Variants in UMAD1 observed in about 807,000 individuals in gnomAD.
UMAD1 encodes the protein UBAP1-MVB12-associated (UMA)-domain containing protein 1.
In UMAD1, 8 loss-of-function variants were observed where a neutral mutation model predicts 6.1. That is an observed-to-expected ratio of 1.30 (90% CI 0.76 to 2.35). The LOEUF (loss-of-function observed/expected upper bound fraction) is 2.35, where lower values mean the gene tolerates loss of function less well. Ranked by LOEUF, UMAD1 falls within the 30% of genes most tolerant of loss-of-function variation. UMAD1 has a pLI of 0.00. For synonymous variants in UMAD1, 56 were observed against 31.4 expected, an observed-to-expected ratio of 1.78 and a Z score of -2.61; for missense variants, 130 against 78.4, an observed-to-expected ratio of 1.66 and a Z score of -2.49.
intron 3 of UMAD1, among the ~76,000 whole-genome samples, chr7:7,864,642 C>G (rs933194659): frequency 1.7e-5 from 2 of 120,234 alleles, no homozygotes; most frequent in African/African-American, 6.1e-5. Flanking sequence ...CACACACACA[C>G]ACACACACAG....
chr7:7,664,837 G>A (rs1779397567), intron 1 of UMAD1, among the ~76,000 whole-genome samples: 1 of 152,138 alleles, frequency 6.6e-6, no homozygotes, highest in South Asian at 2.1e-4. Context: ...GTATCTCTGA[G>A]GAGAAATTAG....
intron 2 of UMAD1, among the ~76,000 whole-genome samples, chr7:7,681,048 GTGTT>G (rs1346059279): frequency 1.3e-5 from 2 of 151,984 alleles, no homozygotes; most frequent in East Asian, 1.9e-4. Flanking sequence ...GTTGGTTTGT[GTGTT>G]TGTTGATGTC....
intron 3 of UMAD1, among the ~76,000 whole-genome samples, chr7:7,850,021 G>A (rs779301324): frequency 8.5e-5 from 13 of 152,122 alleles, no homozygotes; most frequent in African/African-American, 1.4e-4. Flanking sequence ...TGATGATGTT[G>A]TAGGGAAAAG....
chr7:7,842,265 GAT>G (rs1199889889), intron 3 of UMAD1, among the ~76,000 whole-genome samples: 1 of 152,084 alleles, frequency 6.6e-6, no homozygotes, highest in Non-Finnish European at 1.5e-5. Flanking sequence ...GCGCAGGGAT[GAT>G]ATTATTAAAA....
chr7:7,701,147 T>C (rs1029884607), intron 2 of UMAD1, among the ~76,000 whole-genome samples: 1 of 152,182 alleles, frequency 6.6e-6, no homozygotes, highest in Non-Finnish European at 1.5e-5. Context: ...TTAATAAACA[T>C]GTTCTGTATT....
chr7:7,685,791 T>C (rs1010428557), intron 2 of UMAD1: 1 of 152,254 alleles, frequency 6.6e-6, no homozygotes, highest in Non-Finnish European at 1.5e-5. Flanking sequence ...TTTAAGTGTT[T>C]TCTTCCTTCA....
At chr7:7,743,423 A>G (rs1469164502) in intron 2 of UMAD1, among the ~76,000 whole-genome samples, 1 of 152,182 alleles carries the variant, frequency 6.6e-6, no homozygotes, top group Non-Finnish European at 1.5e-5. Flanking sequence ...AACTACAGAT[A>G]CAAAATTTAT....
chr7:7,852,540 A>T (rs1783937869), intron 3 of UMAD1, among the ~76,000 whole-genome samples: 1 of 152,154 alleles, frequency 6.6e-6, no homozygotes, highest in African/African-American at 2.4e-5. Flanking sequence ...ACTTTACTAG[A>T]GTGGCTCACA....
chr7:7,776,432 C>T (rs1225527917), intron 2 of UMAD1, among the ~76,000 whole-genome samples: 2 of 152,130 alleles, frequency 1.3e-5, no homozygotes, highest in Non-Finnish European at 2.9e-5. Context: ...CAGGGTTATA[C>T]AGATAGAGAG....
chr7:7,726,844 C>G (rs1364159210), intron 2 of UMAD1, among the ~76,000 whole-genome samples: 4 of 152,168 alleles, frequency 2.6e-5, no homozygotes, highest in Non-Finnish European at 5.9e-5. Flanking sequence ...ACAGTGTTGG[C>G]TGGGGTGATT....
chr7:7,757,380 C>T (rs1008980539), intron 2 of UMAD1, among the ~76,000 whole-genome samples: 1 of 152,162 alleles, frequency 6.6e-6, no homozygotes, highest in Non-Finnish European at 1.5e-5. Context: ...GGAATTGCTT[C>T]TGTTATTATT....
intron 1 of UMAD1, among the ~76,000 whole-genome samples, chr7:7,673,017 G>T (rs1278230929): frequency 2.0e-5 from 3 of 152,156 alleles, no homozygotes; most frequent in Non-Finnish European, 4.4e-5. Flanking sequence ...CCAGATTCTC[G>T]TGTTATCTGT....
intron 2 of UMAD1, among the ~76,000 whole-genome samples, chr7:7,705,321 T>C (rs187575286): frequency 2.2e-4 from 33 of 152,348 alleles, no homozygotes; most frequent in African/African-American, 7.2e-4. Flanking sequence ...AATAGAATCT[T>C]AAAAATGTTT....
At chr7:7,739,465 T>C (rs1781420883) in intron 2 of UMAD1, among the ~76,000 whole-genome samples, 1 of 152,228 alleles carries the variant, frequency 6.6e-6, no homozygotes, top group Non-Finnish European at 1.5e-5. Context: ...AAGTGGTTTT[T>C]TGAAGTAACT....
intron 3 of UMAD1, among the ~76,000 whole-genome samples, chr7:7,833,945 C>G (rs1783512790): frequency 6.6e-6 from 1 of 151,404 alleles, no homozygotes; most frequent in Admixed American, 6.6e-5. Context: ...CGTGGGTAAC[C>G]TATCATGTCA....
chr7:7,713,757 G>T lies in UMAD1; in HGVS notation c.82+40304G>T, dbSNP rs183535274. Among the ~76,000 whole-genome samples the T allele has an allele frequency of 2.0e-3, 300 of 151,930 alleles. 4 individuals are homozygous for T. Among genetic ancestry groups the T allele is most frequent in the African/African-American group, 7.1e-3 (293 of 41,428 alleles). On this transcript the variant is annotated intron_variant, in intron 2 of 3. Transcript: ENST00000682710. ...CCTGTATTTCCCTTTAAATGCTATT[G>T]AGCAGCTTCCAAATTTTAATTTGTA...
chr7:7,684,203 G>T (rs1253075313), intron 2 of UMAD1, among the ~76,000 whole-genome samples: 1 of 151,714 alleles, frequency 6.6e-6, no homozygotes, highest in African/African-American at 2.4e-5. Flanking sequence ...TAGCACAGAT[G>T]CAATTTTTTT....
intron 3 of UMAD1, among the ~76,000 whole-genome samples, chr7:7,842,334 A>G (rs1783697654): frequency 6.6e-6 from 1 of 152,146 alleles, no homozygotes; most frequent in Non-Finnish European, 1.5e-5. Context: ...AATGGTTTTT[A>G]TCATCGTTTA....
intron 3 of UMAD1, among the ~76,000 whole-genome samples, chr7:7,869,793 T>G (rs1784302646): frequency 6.6e-6 from 1 of 152,176 alleles, no homozygotes; most frequent in Non-Finnish European, 1.5e-5. Context: ...CCAGGAAAAA[T>G]GTAGTTGTCT....
Sources: gnomAD v4.1 joint callset for allele counts (sites outside exome capture counted in the v4.1 genomes callset) on GRCh38, gnomAD v4.1.1 for gene constraint, MANE v1.5 for transcripts, NCBI Gene and HGNC (gene_info 2026-07-23, HGNC 2026-07-21) for gene names.